CFAP100: variants seen among roughly 807,000 people sequenced by gnomAD.
CFAP100 encodes cilia- and flagella-associated protein 100.
CFAP100 carries 70 observed loss-of-function variants against 81.5 expected under a neutral mutation model. The observed-to-expected ratio is 0.86, with a 90% CI of 0.71 to 1.05. The LOEUF (loss-of-function observed/expected upper bound fraction) is 1.05, where lower values mean the gene tolerates loss of function less well. CFAP100 is among the 50% of genes least tolerant of loss of function. CFAP100 has a pLI of 0.00. For synonymous variants in CFAP100, 341 were observed against 314.8 expected, an observed-to-expected ratio of 1.08 and a Z score of -0.88; for missense variants, 811 against 776.5, an observed-to-expected ratio of 1.04 and a Z score of -0.53.
At chr3:126,416,081 C>G (rs1347162862) in intron 4 of CFAP100, among the ~76,000 whole-genome samples, 1 of 152,172 alleles carries the variant, frequency 6.6e-6, no homozygotes, top group Non-Finnish European at 1.5e-5. Context: ...CTGGAGTGCT[C>G]ATCTGACCGG....
At chr3:126,434,488 C>T (rs1933367334) in intron 15 of CFAP100, 107 bp downstream of exon 15, 1 of 1,064,770 alleles carries the variant, frequency 9.4e-7, no homozygotes, top group Non-Finnish European at 1.4e-6. Context: ...CAGGCCCCTC[C>T]TGCTCTGTGC....
intron 2 of CFAP100, among the ~76,000 whole-genome samples, chr3:126,396,833 G>C (rs1160542891): frequency 6.6e-6 from 1 of 152,248 alleles, no homozygotes; most frequent in African/African-American, 2.4e-5. Context: ...GAGGGAGGCT[G>C]CCCAGGCCTA....
rs138868317 is a variant in CFAP100 at position 126,399,885 on chromosome 3, G to A, written c.49+3836G>A. On this transcript the variant is annotated intron_variant, in intron 2 of 16. Coordinates refer to ENST00000352312, the MANE Select transcript of CFAP100 (RefSeq NM_182628.3). ...GAAGGTGGCCTGTGTTCCCGGTACA[G>A]CTTGCTGGTGCCAGGGTGGGAAATA... is the stretch of plus-strand genomic sequence containing the variant. 6.6e-4 allele frequency among the ~76,000 whole-genome samples: 100 copies of A among 152,300 alleles called. No homozygotes were observed. In the East Asian group the frequency reaches 0.014, roughly 22 times the overall value.
Position 126,419,174 on chromosome 3 carries a change from G to T in CFAP100, c.731+18G>T, listed in dbSNP as rs1392175511. On this transcript the variant is annotated intron_variant, in intron 8 of 16. Transcript: ENST00000352312. ...ATCAAAAGGTGAGGTCAGAGGGCAT[G>T]CTGGCCATTGGCTGGCCCACCTCCT... 6.6e-7 allele frequency: 1 copy of T among 1,509,282 alleles called. No individual in the cohort carries two copies. The highest frequency in any genetic ancestry group is 1.4e-5 in the African/African-American group (1 of 72,250). The allele number at this position is 1,509,282 out of a possible 1,614,324, so 93.5% of individuals were successfully genotyped here.
chr3:126,423,156 G>A (rs1020729521), intron 11 of CFAP100, among the ~76,000 whole-genome samples, 169 bp from the exon 12 acceptor site: 4 of 152,190 alleles, frequency 2.6e-5, no homozygotes, highest in African/African-American at 9.7e-5. Flanking sequence ...CTGCAGTGTG[G>A]CAGCTGGGGA....
intron 3 of CFAP100, among the ~76,000 whole-genome samples, chr3:126,411,966 G>T (rs1271436173): frequency 6.6e-6 from 1 of 151,866 alleles, no homozygotes; most frequent in Non-Finnish European, 1.5e-5. Flanking sequence ...GTTTGTTCTT[G>T]TTTCCCTAGT....
intron 2 of CFAP100, among the ~76,000 whole-genome samples, chr3:126,403,322 G>A (rs2083015901): frequency 6.6e-6 from 1 of 151,980 alleles, no homozygotes; most frequent in African/African-American, 2.4e-5. Flanking sequence ...AGACTCCGAT[G>A]GATAGAGGAT....
At chr3:126,404,949 G>A (rs1477596354) in intron 2 of CFAP100, among the ~76,000 whole-genome samples, 2 of 152,194 alleles carry the variant, frequency 1.3e-5, no homozygotes, top group Admixed American at 6.5e-5. Context: ...GATTACAGGC[G>A]TGAGCCACCA....
chr3:126,433,107 C>T lies in CFAP100; in HGVS notation c.1325C>T (p.Thr442Ile), dbSNP rs551708150. The T allele has an allele frequency of 2.5e-6, 4 of 1,614,196 alleles. No homozygotes were observed. Among genetic ancestry groups the T allele is most frequent in the East Asian group, 4.5e-5 (2 of 44,874 alleles). The change falls in exon 14 of 17, where the codon ACA becomes ATA. Residue 442 changes from threonine (T) to isoleucine (I), a missense_variant. Physicochemically the swap from Thr to Ile is moderately conservative, Grantham distance 89 (BLOSUM62 -1). Coordinates refer to ENST00000352312, the MANE Select transcript of CFAP100 (RefSeq NM_182628.3). ...EVNQLKQWVT[T>I]MMMSITKEED... is the part of the protein sequence containing the mutation. ...AACCAGCTGAAGCAGTGGGTCACCA[C>T]AATGATGATGTCCATCACCAAGGAG...
intron 3 of CFAP100, among the ~76,000 whole-genome samples, chr3:126,409,370 C>T (rs1011567108): frequency 1.3e-5 from 2 of 152,248 alleles, no homozygotes; most frequent in African/African-American, 2.4e-5. Flanking sequence ...CTTTCCATTG[C>T]TGGTGAACAT....
At chr3:126,427,900 G>GGCT (rs1236539874) in intron 13 of CFAP100, among the ~76,000 whole-genome samples, 51 of 152,290 alleles carry the variant, frequency 3.3e-4, no homozygotes, top group African/African-American at 1.2e-3. Context: ...CATCTTACAT[G>GGCT]GCTGGAGCAG....
intron 2 of CFAP100, among the ~76,000 whole-genome samples, chr3:126,401,514 G>T (rs568495770): frequency 2.2e-4 from 32 of 148,800 alleles, no homozygotes; most frequent in Admixed American, 1.2e-3. Flanking sequence ...CAACTAAATA[G>T]ACAGGATGGT....
At chr3:126,434,524 G>A (rs1933368679) in intron 15 of CFAP100, 143 bp downstream of exon 15, 2 of 805,314 alleles carry the variant, frequency 2.5e-6, no homozygotes. Flanking sequence ...CCCATGTCTT[G>A]GGGGGATCTA....
At chr3:126,414,544 C>A (rs2083204419) in intron 4 of CFAP100, among the ~76,000 whole-genome samples, 1 of 152,220 alleles carries the variant, frequency 6.6e-6, no homozygotes, top group Non-Finnish European at 1.5e-5. Context: ...CCCTCACAGG[C>A]CCTCTCCCAT....
chr3:126,419,267 C>T (rs1012753723), intron 8 of CFAP100, 111 bp downstream of exon 8: 2 of 689,218 alleles, frequency 2.9e-6, no homozygotes, highest in East Asian at 2.8e-5. Context: ...CTTTACCTCC[C>T]AGGGACTCTG....
chr3:126,401,116 TAA>T (rs1363403469), intron 2 of CFAP100, among the ~76,000 whole-genome samples: 5 of 151,612 alleles, frequency 3.3e-5, no homozygotes, highest in African/African-American at 1.2e-4. Flanking sequence ...TCCGCTCATA[TAA>T]GTGAGTGGAG....
At chr3:126,426,454 TAA>T (rs67227509) in intron 13 of CFAP100, among the ~76,000 whole-genome samples, 46 of 132,730 alleles carry the variant, frequency 3.5e-4, no homozygotes, top group African/African-American at 4.8e-4. Flanking sequence ...GACCCTGTCT[TAA>T]AAAAAAAAAA....
rs747219927 is a variant in CFAP100, at chr3:126,435,615, G to A, written c.1685G>A (p.Arg562Gln). Residue 562 changes from arginine to glutamine, a missense_variant, in exon 16 of 17, where the codon CGG becomes CAG. Arg to Gln is a conservative substitution (Grantham distance 43, BLOSUM62 1). Transcript: ENST00000352312. ...ATCCTACAGGAGGAGCATCTGCAGCGGGCCCGGGCGCGCGCCCAGGCTGAG... is the reference window on the plus strand; with the variant it reads ...ATCCTACAGGAGGAGCATCTGCAGCAGGCCCGGGCGCGCGCCCAGGCTGAG... ...QKILQEEHLQ[R>Q]ARARAQAEIK... 50 of 1,612,530 alleles carry A rather than the reference G, an allele frequency of 3.1e-5. No homozygotes were observed. The highest frequency in any genetic ancestry group is 3.3e-4 in the Middle Eastern group (2 of 6,074).
rs761548764 is a variant in CFAP100, at chr3:126,434,301, G to A, written c.1548G>A (p.Glu516=). The change falls in exon 15 of 17, where the codon GAG becomes GAA. Residue 516 remains glutamate (E), a synonymous_variant. Coordinates refer to ENST00000352312, the MANE Select transcript of CFAP100 (RefSeq NM_182628.3). ...MLTIIEHQLD[E]LLENLEHVPQ... ...CCATCATTGAGCACCAGCTGGATGA[G>A]CTGCTAGAGAACCTGGAGCACGTGC... is the stretch of plus-strand genomic sequence containing the variant. 6.2e-7 allele frequency: 1 copy of A among 1,614,144 alleles called. No individual in the cohort carries two copies. The highest frequency in any genetic ancestry group is 8.5e-7 in the Non-Finnish European group (1 of 1,180,034).
Sources: allele counts gnomAD v4.1 joint callset (sites outside exome capture counted in the v4.1 genomes callset), GRCh38; gene constraint gnomAD v4.1.1; transcripts MANE v1.5; gene names NCBI Gene and HGNC (gene_info 2026-07-23, HGNC 2026-07-21).